ARB2A: variants seen among roughly 807,000 people sequenced by gnomAD.
ARB2A encodes the protein cotranscriptional regulator ARB2A.
chr5:93,753,789 G>T, the ARB2A span, among the ~76,000 whole-genome samples: 2 of 152,340 alleles, frequency 1.3e-5, no homozygotes, highest in East Asian at 3.9e-4. Context: ...TGTGATGGTT[G>T]TAAGTTCTGG....
At chr5:93,682,145 C>T in the ARB2A span, among the ~76,000 whole-genome samples, 4 of 149,340 alleles carry the variant, frequency 2.7e-5, no homozygotes, top group Non-Finnish European at 5.9e-5. Flanking sequence ...GATTCAGTAA[C>T]AAATACTCTA....
At chr5:93,801,399 G>C in the ARB2A span, among the ~76,000 whole-genome samples, 3 of 152,114 alleles carry the variant, frequency 2.0e-5, no homozygotes, top group Non-Finnish European at 4.4e-5. Context: ...ATTAAAGTGA[G>C]AGCACAGAAA....
the ARB2A span, among the ~76,000 whole-genome samples, chr5:94,065,188 A>G: frequency 6.6e-6 from 1 of 152,208 alleles, no homozygotes; most frequent in Non-Finnish European, 1.5e-5. Flanking sequence ...TCTTATCTGT[A>G]AAGACACATA....
chr5:93,810,959 A>G, the ARB2A span, among the ~76,000 whole-genome samples: 1 of 152,264 alleles, frequency 6.6e-6, no homozygotes, highest in East Asian at 1.9e-4. Flanking sequence ...ATGTAGTTAC[A>G]TCACAGGGTT....
chr5:93,640,397 C>T, the ARB2A span, among the ~76,000 whole-genome samples: 360 of 150,752 alleles, frequency 2.4e-3, no homozygotes, highest in Admixed American at 4.5e-3. Context: ...CGCAGTGAGC[C>T]GAGATCATGC....
At chr5:94,057,819 T>G in the ARB2A span, among the ~76,000 whole-genome samples, 2 of 152,052 alleles carry the variant, frequency 1.3e-5, no homozygotes, top group African/African-American at 4.8e-5. Flanking sequence ...TGGAGACAGT[T>G]TAAGGCACAG....
the ARB2A span, among the ~76,000 whole-genome samples, chr5:93,802,588 T>C: frequency 1.3e-5 from 2 of 152,172 alleles, no homozygotes; most frequent in East Asian, 3.9e-4. Context: ...ATAATGCATA[T>C]AGGACTAGTT....
chr5:93,719,398 GT>G, the ARB2A span, among the ~76,000 whole-genome samples: 1 of 152,138 alleles, frequency 6.6e-6, no homozygotes, highest in Non-Finnish European at 1.5e-5. Context: ...ATCCAGAGAC[GT>G]TCAACTGGCC....
chr5:93,794,989 G>A, the ARB2A span, among the ~76,000 whole-genome samples: 22 of 152,162 alleles, frequency 1.4e-4, no homozygotes, highest in African/African-American at 5.3e-4. Flanking sequence ...AGGTTACTCA[G>A]GCGGTGGGCA....
the ARB2A span, among the ~76,000 whole-genome samples, chr5:94,049,215 G>C: frequency 1.3e-5 from 2 of 152,086 alleles, no homozygotes; most frequent in African/African-American, 2.4e-5. Context: ...AATGGCAAAT[G>C]ACATTTTCAA....
chr5:93,832,409 A>G, the ARB2A span, among the ~76,000 whole-genome samples: 1 of 152,146 alleles, frequency 6.6e-6, no homozygotes, highest in Non-Finnish European at 1.5e-5. Context: ...CCATGTTCTG[A>G]TTACTACTAA....
chr5:93,790,178 T>C, the ARB2A span, among the ~76,000 whole-genome samples: 2 of 152,268 alleles, frequency 1.3e-5, no homozygotes, highest in African/African-American at 2.4e-5. Context: ...TCATGGGAGA[T>C]GACAAATCCC....
chr5:94,107,003 G>T, the ARB2A span, among the ~76,000 whole-genome samples: 2 of 151,904 alleles, frequency 1.3e-5, no homozygotes, highest in South Asian at 4.1e-4. Context: ...TTGGGAAGAG[G>T]ATGAGAATTG....
the ARB2A span, among the ~76,000 whole-genome samples, chr5:94,016,474 A>G: frequency 6.6e-6 from 1 of 152,208 alleles, no homozygotes; most frequent in African/African-American, 2.4e-5. Context: ...ACTCATCGTG[A>G]TGGGTGTTTA....
the ARB2A span, among the ~76,000 whole-genome samples, chr5:94,041,045 G>A: frequency 1.3e-5 from 2 of 152,156 alleles, no homozygotes; most frequent in African/African-American, 4.8e-5. Context: ...GTCAGCAAAA[G>A]TGTAAGAATT....
the ARB2A span, among the ~76,000 whole-genome samples, chr5:94,031,077 G>A: frequency 1.3e-5 from 2 of 152,312 alleles, no homozygotes; most frequent in South Asian, 4.1e-4. Context: ...GACTAAGATA[G>A]AAAACTGGTA....
the ARB2A span, among the ~76,000 whole-genome samples, chr5:93,801,873 G>C: frequency 6.6e-6 from 1 of 152,202 alleles, no homozygotes; most frequent in African/African-American, 2.4e-5. Flanking sequence ...AAAGTGGAAT[G>C]GCCAGAACGA....
At chr5:93,958,798 C>T in the ARB2A span, 74 of 1,546,912 alleles carry the variant, frequency 4.8e-5, no homozygotes, top group African/African-American at 9.6e-5. Context: ...TTTTAATAAA[C>T]GGTATCTGTG....
the ARB2A span, among the ~76,000 whole-genome samples, chr5:93,983,240 A>T: frequency 7.1e-6 from 1 of 141,344 alleles, no homozygotes; most frequent in Admixed American, 7.2e-5. Context: ...TCCATGTCCA[A>T]TTCCCCACTA....
Sources: allele counts gnomAD v4.1 joint callset (sites outside exome capture counted in the v4.1 genomes callset), GRCh38; gene constraint gnomAD v4.1.1; transcripts MANE v1.5; gene names NCBI Gene and HGNC (gene_info 2026-07-23, HGNC 2026-07-21).